Variants in KCNJ6 observed in about 807,000 individuals in gnomAD.
KCNJ6 encodes potassium inwardly rectifying channel subfamily J member 6.
A neutral mutation model predicts 34.2 loss-of-function variants in KCNJ6; 9 were observed. The ratio of observed to expected loss-of-function variants is 0.26; its 90% confidence interval spans 0.16 to 0.46. The LOEUF (loss-of-function observed/expected upper bound fraction) is 0.46, where lower values mean the gene tolerates loss of function less well. Ranked by LOEUF, KCNJ6 falls within the 20% of genes least tolerant of loss-of-function variation. The probability of loss-of-function intolerance (pLI) is 1.00; values close to 1 mark genes in which losing one functional copy is unlikely to be tolerated. For missense variants in KCNJ6, 236 were observed against 531.3 expected, an observed-to-expected ratio of 0.44 and a Z score of 5.46; for synonymous variants, 196 against 207.1, an observed-to-expected ratio of 0.95 and a Z score of 0.46.
intron 1 of KCNJ6, among the ~76,000 whole-genome samples, chr21:37,884,127 T>C (rs960058241): frequency 6.6e-6 from 1 of 152,220 alleles, no homozygotes; most frequent in African/African-American, 2.4e-5. Context: ...GAAATCTTTC[T>C]ACTCGGGGAA....
intron 3 of KCNJ6, among the ~76,000 whole-genome samples, chr21:37,648,555 C>T (rs1378681874): frequency 6.6e-6 from 1 of 152,150 alleles, no homozygotes; most frequent in Admixed American, 6.5e-5. Context: ...TTCCTGGATA[C>T]TTTAATTTCA....
chr21:37,873,125 GTGAGAC>G (rs1229676474), intron 1 of KCNJ6, among the ~76,000 whole-genome samples: 1 of 152,186 alleles, frequency 6.6e-6, no homozygotes, highest in Non-Finnish European at 1.5e-5. Context: ...TGGGCTGAAG[GTGAGAC>G]TCTGGAACAC....
At chr21:37,913,225 T>C (rs1285151661) in intron 1 of KCNJ6, among the ~76,000 whole-genome samples, 1 of 152,238 alleles carries the variant, frequency 6.6e-6, no homozygotes, top group Non-Finnish European at 1.5e-5. Context: ...CTTGATGGAC[T>C]TACCTGTTTT....
At chr21:37,903,715 T>C (rs562166912) in intron 1 of KCNJ6, among the ~76,000 whole-genome samples, 1 of 149,952 alleles carries the variant, frequency 6.7e-6, no homozygotes, top group Non-Finnish European at 1.5e-5. Context: ...ATAGTTCCTC[T>C]GGAAATTAAA....
intron 2 of KCNJ6, among the ~76,000 whole-genome samples, chr21:37,835,960 G>A (rs548287850): frequency 3.3e-5 from 5 of 152,240 alleles, no homozygotes; most frequent in African/African-American, 1.2e-4. Context: ...TAAAAAATTG[G>A]CAGCCCACTT....
At chr21:37,705,684 A>C (rs770679397) in intron 3 of KCNJ6, among the ~76,000 whole-genome samples, 14 of 152,234 alleles carry the variant, frequency 9.2e-5, no homozygotes, top group Non-Finnish European at 1.8e-4. Context: ...ATACTCAATC[A>C]CAGGGATAGT....
At chr21:37,779,382 T>A (rs2055158288) in intron 2 of KCNJ6, among the ~76,000 whole-genome samples, 1 of 152,170 alleles carries the variant, frequency 6.6e-6, no homozygotes, top group Non-Finnish European at 1.5e-5. Flanking sequence ...ACCTGTTGGT[T>A]CATTTATTTC....
chr21:37,908,861 T>C (rs2055854098), intron 1 of KCNJ6, among the ~76,000 whole-genome samples: 1 of 152,222 alleles, frequency 6.6e-6, no homozygotes. Context: ...TGTATTTCTT[T>C]GCTGCCAGAC....
intron 2 of KCNJ6, among the ~76,000 whole-genome samples, chr21:37,728,160 G>A (rs965007277): frequency 5.3e-5 from 8 of 152,190 alleles, no homozygotes; most frequent in Non-Finnish European, 1.0e-4. Context: ...CTCCCACATG[G>A]GTGAAGCTTG....
intron 2 of KCNJ6, among the ~76,000 whole-genome samples, chr21:37,813,260 C>G (rs1283812366): frequency 6.6e-6 from 1 of 152,134 alleles, no homozygotes; most frequent in Non-Finnish European, 1.5e-5. Flanking sequence ...TTGAACTGGA[C>G]ACCACAAAAT....
chr21:37,700,462 A>C, intron 3 of KCNJ6, among the ~76,000 whole-genome samples: 1 of 152,198 alleles, frequency 6.6e-6, no homozygotes, highest in Non-Finnish European at 1.5e-5. Flanking sequence ...GTTGGTCTCT[A>C]TTCTCTAGCT....
intron 2 of KCNJ6, among the ~76,000 whole-genome samples, chr21:37,718,922 G>A (rs545332042): frequency 6.6e-5 from 10 of 152,310 alleles, no homozygotes; most frequent in South Asian, 4.1e-4. Flanking sequence ...AGGTGGCTCC[G>A]GTGGGTCCCT....
intron 3 of KCNJ6, among the ~76,000 whole-genome samples, chr21:37,672,025 C>G (rs1334288284): frequency 6.6e-6 from 1 of 151,952 alleles, no homozygotes; most frequent in Non-Finnish European, 1.5e-5. Context: ...TACTTCTTTC[C>G]AATTGGAATA....
At chr21:37,818,205 TGC>T (rs10539395) in intron 2 of KCNJ6, among the ~76,000 whole-genome samples, 83,291 of 149,202 alleles carry the variant, frequency 0.56, 23,726 homozygotes, top group East Asian at 0.78. Flanking sequence ...TGTGTGTGTG[TGC>T]GTGCGTGTGT....
At chr21:37,732,436 A>G (rs556512275) in intron 2 of KCNJ6, among the ~76,000 whole-genome samples, 14 of 152,340 alleles carry the variant, frequency 9.2e-5, no homozygotes, top group African/African-American at 3.1e-4. Context: ...ACTCCAGTTA[A>G]GACACAAGTC....
intron 1 of KCNJ6, among the ~76,000 whole-genome samples, chr21:37,915,526 C>T (rs1042189470): frequency 6.6e-6 from 1 of 152,214 alleles, no homozygotes; most frequent in Admixed American, 6.5e-5. Flanking sequence ...GACTACATCA[C>T]AAGCCGCACC....
At position 37,714,765 on chromosome 21, in the gene KCNJ6, G is replaced by A; in HGVS notation, c.392C>T (p.Pro131Leu). ...MDHIEDPSWT[P>L]CVTNLNGFVS... is the part of the protein sequence containing the mutation. ...GAACCCGTTGAGGTTGGTAACACAAGGAGTCCAGGAGGGGTCCTCTATGTG... is the reference window on the plus strand; with the variant it reads ...GAACCCGTTGAGGTTGGTAACACAAAGAGTCCAGGAGGGGTCCTCTATGTG... Residue 131 changes from proline (P) to leucine (L), a missense_variant, in exon 3 of 4, where the codon CCT becomes CTT. Pro to Leu is a moderately conservative substitution (Grantham distance 98, BLOSUM62 -3). Coordinates refer to ENST00000609713, the MANE Select transcript of KCNJ6 (RefSeq NM_002240.5). This position sits in a 1 kb window ranked among gnomAD's most constrained non-coding sequence, Gnocchi z 5.9. 2 of 1,614,172 alleles carry A rather than the reference G, an allele frequency of 1.2e-6. No individual in the cohort carries two copies. The highest frequency in any genetic ancestry group is 1.7e-6 in the Non-Finnish European group (2 of 1,180,020).
In KCNJ6 at chr21:37,821,324, A is replaced by G. The variant is rs550059754; in HGVS notation, c.25+19334T>C. ...CTAGTTCCCATTTTCAACAACCCAA[A>G]AGGAAATCCTGTACTCACTTAGCAA... On this transcript the variant is annotated intron_variant, in intron 2 of 3. Coordinates refer to ENST00000609713, the MANE Select transcript of KCNJ6 (RefSeq NM_002240.5). Among the ~76,000 whole-genome samples the G allele has an allele frequency of 3.3e-5, 5 of 152,310 alleles. No homozygotes were observed. The South Asian group carries it at 1.0e-3, about 32-fold the overall frequency.
intron 2 of KCNJ6, among the ~76,000 whole-genome samples, chr21:37,787,794 AAAGG>A (rs566317431): frequency 1.2e-4 from 19 of 152,368 alleles, no homozygotes; most frequent in African/African-American, 4.1e-4. Flanking sequence ...AAGAACTGGA[AAAGG>A]AAGTATGAGA....
Sources: allele counts gnomAD v4.1 joint callset (sites outside exome capture counted in the v4.1 genomes callset), GRCh38; gene constraint gnomAD v4.1.1; non-coding constraint Gnocchi (gnomAD v3.1); transcripts MANE v1.5; gene names NCBI Gene and HGNC (gene_info 2026-07-23, HGNC 2026-07-21).